The following SHISA9 variants were observed in gnomAD, a reference collection of about 807,000 sequenced individuals.
The protein encoded by SHISA9 is protein shisa-9.
SHISA9 carries 13 observed loss-of-function variants against 38.0 expected under a neutral mutation model. The ratio of observed to expected loss-of-function variants is 0.34; its 90% confidence interval spans 0.22 to 0.54. The LOEUF (loss-of-function observed/expected upper bound fraction) is 0.54. Among genes scored for constraint, SHISA9 ranks in the 20% least tolerant of loss-of-function variants. The pLI is 0.91. For missense variants in SHISA9, 538 were observed against 575.8 expected, an observed-to-expected ratio of 0.93 and a Z score of 0.67; for synonymous variants, 275 against 242.0, an observed-to-expected ratio of 1.14 and a Z score of -1.27.
At chr16:13,416,808 G>GGAAA in the SHISA9 span, among the ~76,000 whole-genome samples, 1 of 147,844 alleles carries the variant, frequency 6.8e-6, no homozygotes, top group Non-Finnish European at 1.5e-5. Flanking sequence ...AAGGAAGGAA[G>GGAAA]GAAGGGAAGG....
At chr16:13,391,423 T>C in the SHISA9 span, among the ~76,000 whole-genome samples, 1 of 152,188 alleles carries the variant, frequency 6.6e-6, no homozygotes, top group East Asian at 1.9e-4. Context: ...AACAAGGCAC[T>C]TGGTGTTACA....
the SHISA9 span, among the ~76,000 whole-genome samples, chr16:13,264,422 C>T: frequency 6.6e-6 from 1 of 152,078 alleles, no homozygotes; most frequent in Non-Finnish European, 1.5e-5. Flanking sequence ...ATTCGCCCCC[C>T]TCGGCTTCCC....
chr16:13,437,303 C>A, the SHISA9 span, among the ~76,000 whole-genome samples: 21,092 of 152,104 alleles, frequency 0.14, 1,500 homozygotes, highest in East Asian at 0.25. Flanking sequence ...AGGCTCCCCT[C>A]CCACTCTACC....
the SHISA9 span, among the ~76,000 whole-genome samples, chr16:13,292,029 T>C: frequency 6.6e-6 from 1 of 151,768 alleles, no homozygotes; most frequent in Non-Finnish European, 1.5e-5. Flanking sequence ...TTTTTCCTCT[T>C]TTTTTTGTAG....
chr16:13,274,798 C>T, the SHISA9 span, among the ~76,000 whole-genome samples: 2 of 152,136 alleles, frequency 1.3e-5, no homozygotes, highest in Non-Finnish European at 2.9e-5. Context: ...GGAGGAAATC[C>T]AGTGAAATCT....
chr16:13,130,366 G>T (rs2050296040), intron 2 of SHISA9, among the ~76,000 whole-genome samples: 1 of 152,106 alleles, frequency 6.6e-6, no homozygotes, highest in Non-Finnish European at 1.5e-5. Context: ...TAATTGGTGG[G>T]ACTTGGATTC....
the SHISA9 span, among the ~76,000 whole-genome samples, chr16:13,485,029 C>CT: frequency 0.22 from 32,462 of 146,498 alleles, 3,551 homozygotes; most frequent in Admixed American, 0.28. Flanking sequence ...GCCTCTTGTT[C>CT]TTTTTTTTTT....
intron 2 of SHISA9, among the ~76,000 whole-genome samples, chr16:13,134,870 A>C (rs748372975): frequency 6.6e-6 from 1 of 152,122 alleles, no homozygotes; most frequent in African/African-American, 2.4e-5. Flanking sequence ...TCTATGCTGA[A>C]GGAGCCACCC....
At chr16:13,053,253 G>C (rs928625725) in intron 2 of SHISA9, among the ~76,000 whole-genome samples, 3 of 151,706 alleles carry the variant, frequency 2.0e-5, no homozygotes, top group Admixed American at 2.0e-4. Flanking sequence ...GTGAACCATC[G>C]CACGCAGCCC....
the SHISA9 span, among the ~76,000 whole-genome samples, chr16:13,335,284 A>G: frequency 2.0e-5 from 3 of 152,238 alleles, no homozygotes; most frequent in Non-Finnish European, 2.9e-5. Context: ...TTGAGAGGTG[A>G]CAGACACAGA....
At chr16:13,494,082 G>C in the SHISA9 span, among the ~76,000 whole-genome samples, 1 of 152,206 alleles carries the variant, frequency 6.6e-6, no homozygotes, top group African/African-American at 2.4e-5. Context: ...GAAGCGGGAA[G>C]AAAGAAGGAT....
chr16:13,520,528 G>A, the SHISA9 span, among the ~76,000 whole-genome samples: 9 of 150,772 alleles, frequency 6.0e-5, no homozygotes, highest in East Asian at 2.0e-4. Flanking sequence ...ACTTGAACCC[G>A]GGAGGTGGGG....
chr16:13,328,963 C>T, the SHISA9 span, among the ~76,000 whole-genome samples: 1 of 152,094 alleles, frequency 6.6e-6, no homozygotes, highest in Non-Finnish European at 1.5e-5. Context: ...CATAGACAAG[C>T]GAGCTGGAAG....
intron 2 of SHISA9, among the ~76,000 whole-genome samples, chr16:12,985,590 T>C (rs948514808): frequency 6.6e-6 from 1 of 152,158 alleles, no homozygotes; most frequent in African/African-American, 2.4e-5. Flanking sequence ...AATTACCTAA[T>C]AAAAGTAATG....
chr16:13,194,428 G>A (rs756819969), intron 2 of SHISA9, among the ~76,000 whole-genome samples: 4 of 152,190 alleles, frequency 2.6e-5, no homozygotes, highest in African/African-American at 4.8e-5. Flanking sequence ...TTCCAGTGAT[G>A]TAACTTTGGG....
At chr16:13,364,587 A>G in the SHISA9 span, among the ~76,000 whole-genome samples, 1 of 152,234 alleles carries the variant, frequency 6.6e-6, no homozygotes, top group African/African-American at 2.4e-5. Context: ...TATAGTGAAC[A>G]CCAGAGAATA....
chr16:13,259,107 G>A, the SHISA9 span, among the ~76,000 whole-genome samples: 2 of 152,158 alleles, frequency 1.3e-5, no homozygotes, highest in Non-Finnish European at 2.9e-5. Flanking sequence ...GATACAATGG[G>A]GGTACAGGTA....
At chr16:13,414,126 C>T in the SHISA9 span, among the ~76,000 whole-genome samples, 3 of 152,120 alleles carry the variant, frequency 2.0e-5, no homozygotes, top group African/African-American at 7.2e-5. Flanking sequence ...CACACTTGGC[C>T]AACAAATGAG....
chr16:13,159,889 C>G (rs111831664), intron 2 of SHISA9, among the ~76,000 whole-genome samples: 1 of 152,196 alleles, frequency 6.6e-6, no homozygotes, highest in Non-Finnish European at 1.5e-5. Context: ...CTTTCTCCCA[C>G]AAATATTTGT....
Sources: gnomAD v4.1 joint callset for allele counts (sites outside exome capture counted in the v4.1 genomes callset) on GRCh38, gnomAD v4.1.1 for gene constraint, MANE v1.5 for transcripts, NCBI Gene and HGNC (gene_info 2026-07-23, HGNC 2026-07-21) for gene names.